The following TTC23 variants were observed in gnomAD, a reference collection of about 807,000 sequenced individuals.
TTC23 encodes the protein tetratricopeptide repeat domain 23, also known as tetratricopeptide repeat protein 23.
TTC23 carries 58 observed loss-of-function variants against 55.1 expected under a neutral mutation model. The ratio of observed to expected loss-of-function variants is 1.05; its 90% CI spans 0.85 to 1.31. The LOEUF (loss-of-function observed/expected upper bound fraction) is 1.31. TTC23 is among the 50% of genes most tolerant of loss of function. The pLI, the probability that TTC23 is intolerant of heterozygous loss-of-function variation, is 0.00. For missense variants in TTC23, 516 were observed against 534.4 expected (o/e 0.97, Z 0.34); for synonymous variants, 203 against 199.9 (o/e 1.02, Z -0.13).
chr15:99,178,436 C>T (rs1457388608), intron 9 of TTC23, among the ~76,000 whole-genome samples: 1 of 152,162 alleles, frequency 6.6e-6, no homozygotes, highest in Non-Finnish European at 1.5e-5. Flanking sequence ...ATTAGCATCT[C>T]ATTTATTCAG....
At chr15:99,181,134 G>C (rs1010559256) in intron 9 of TTC23, among the ~76,000 whole-genome samples, 5 of 152,266 alleles carry the variant, frequency 3.3e-5, no homozygotes, top group Non-Finnish European at 7.3e-5. Flanking sequence ...TGCGTCAGCA[G>C]CAGAACAGAG....
At chr15:99,171,590 G>C (rs1276069002) in intron 10 of TTC23, among the ~76,000 whole-genome samples, 1 of 125,634 alleles carries the variant, frequency 8.0e-6, no homozygotes, top group East Asian at 2.6e-4. Context: ...TTGAGACTGA[G>C]TCTCGCTCTG....
chr15:99,221,846 C>G lies in TTC23; in HGVS notation c.199G>C (p.Glu67Gln). The G allele has an allele frequency of 3.7e-6, 6 of 1,614,190 alleles. No individual in the cohort carries two copies. Among genetic ancestry groups the G allele is most frequent in the Non-Finnish European group, 5.1e-6 (6 of 1,180,024 alleles). Residue 67 changes from glutamate (E) to glutamine (Q), a missense_variant, in exon 6 of 14, where the codon GAG becomes CAG. By Grantham distance (29) the Glu-to-Gln change is conservative. Coordinates refer to ENST00000394132, the MANE Select transcript of TTC23 (RefSeq NM_001288615.3). ...NSHEYKQAVH[E>Q]LVRCVALTRI... is the part of the protein sequence containing the mutation. ...GTCAGTGCTACGCAACGCACAAGCT[C>G]ATGGACGGCCTGTTTGTACTGTTAG...
intron 6 of TTC23, among the ~76,000 whole-genome samples, chr15:99,220,448 T>C (rs190195837): frequency 1.3e-5 from 2 of 152,314 alleles, no homozygotes; most frequent in Non-Finnish European, 2.9e-5. Flanking sequence ...ATTGAAAACC[T>C]AGGTCTGAGT....
Position 99,156,230 on chromosome 15 carries a change from T to A in TTC23, c.1061A>T (p.Glu354Val). 6.2e-7 allele frequency: 1 copy of A among 1,614,230 alleles called. No individual in the cohort carries two copies. Among genetic ancestry groups the A allele is most frequent in the Non-Finnish European group, 8.5e-7 (1 of 1,180,040 alleles). Residue 354 changes from glutamate to valine, a missense_variant, in exon 12 of 14, where the codon GAG (glutamate) becomes GTG (valine). By Grantham distance (121) the Glu-to-Val change is moderately radical. Coordinates refer to ENST00000394132, the MANE Select transcript of TTC23 (RefSeq NM_001288615.3). Reference sequence around the variant, plus strand: ...CAGGAGCCGGTATGTCTCTGCCACCTCGGGACTGAAATCGCCAAATGCTTC... The same window carrying A: ...CAGGAGCCGGTATGTCTCTGCCACCACGGGACTGAAATCGCCAAATGCTTC... ...KVEAFGDFSP[E>V]VAETYRLLGG...
intron 9 of TTC23, among the ~76,000 whole-genome samples, chr15:99,196,998 A>G (rs1267420651): frequency 6.6e-6 from 1 of 152,076 alleles, no homozygotes; most frequent in Non-Finnish European, 1.5e-5. Context: ...CCTCTTGCCT[A>G]GGCTTGTCTT....
Position 99,199,975 on chromosome 15 carries a change from C to T in TTC23, c.703G>A (p.Ala235Thr), listed in dbSNP as rs973368020. ...RECVPILRELAGVEQALGLHD... is the reference protein window; with the variant it reads ...RECVPILRELTGVEQALGLHD... ...AGTCCCAGGGCTTGCTCTACACCTG[C>T]TAATTCTCTCAATATGGGTACACAC... Residue 235 changes from alanine (A) to threonine (T), a missense_variant, in exon 9 of 14, where the codon GCA becomes ACA. Physicochemically the swap from Ala to Thr is moderately conservative, Grantham distance 58 (BLOSUM62 0). Transcript: ENST00000394132. The T allele has an allele frequency of 7.4e-6, 12 of 1,613,870 alleles. No homozygotes were observed. Among genetic ancestry groups the T allele is most frequent in the Middle Eastern group, 1.6e-4 (1 of 6,084 alleles).
At chr15:99,231,407 C>T (rs1416518213) in intron 4 of TTC23, among the ~76,000 whole-genome samples, 1 of 152,218 alleles carries the variant, frequency 6.6e-6, no homozygotes, top group Non-Finnish European at 1.5e-5. Context: ...TGAAGACCCT[C>T]CAGTGGGACA....
chr15:99,175,867 C>T (rs910160559), intron 9 of TTC23, among the ~76,000 whole-genome samples: 7 of 152,090 alleles, frequency 4.6e-5, no homozygotes, highest in South Asian at 2.1e-4. Flanking sequence ...TGGTGGTGCA[C>T]GCCTATAGTC....
intron 10 of TTC23, among the ~76,000 whole-genome samples, chr15:99,165,149 A>C (rs1191251285): frequency 6.6e-6 from 1 of 152,212 alleles, no homozygotes; most frequent in Non-Finnish European, 1.5e-5. Context: ...TCCCCATACT[A>C]GGCTGAAATA....
At chr15:99,236,933 T>G (rs2079370048) in intron 3 of TTC23, among the ~76,000 whole-genome samples, 1 of 152,160 alleles carries the variant, frequency 6.6e-6, no homozygotes, top group African/African-American at 2.4e-5. Context: ...GACAGTTTCT[T>G]ACTAAGTTAA....
At chr15:99,180,862 ACT>A (rs2074046594) in intron 9 of TTC23, among the ~76,000 whole-genome samples, 1 of 152,198 alleles carries the variant, frequency 6.6e-6, no homozygotes, top group South Asian at 2.1e-4. Context: ...AGATGAGAAC[ACT>A]CAGCGAGGAG....
rs1406959706 is a variant in TTC23 at position 99,136,619 on chromosome 15, A to G, written c.*1391T>C. 6.6e-6 allele frequency: 1 copy of G among 152,050 alleles called. No homozygotes were observed. Among genetic ancestry groups the G allele is most frequent in the African/African-American group, 2.4e-5 (1 of 41,378 alleles). 9.4% of individuals were successfully genotyped at this position (152,050 alleles called of 1,614,324 possible). A position where few individuals can be genotyped will look rare whatever the true frequency, so the allele number is the denominator to read the frequency against. ...CATCAGGGCTCCACCCTCATAACCTAATCACCTCTCCAAGACCCCACCCCC... is the reference window on the plus strand; with the variant it reads ...CATCAGGGCTCCACCCTCATAACCTGATCACCTCTCCAAGACCCCACCCCC... On this transcript the variant is annotated 3_prime_UTR_variant, in exon 14 of 14. Coordinates refer to ENST00000394132, the MANE Select transcript of TTC23 (RefSeq NM_001288615.3).
chr15:99,221,718 C>T (rs747242962), intron 6 of TTC23, 23 bp downstream of exon 6: 2 of 1,613,590 alleles, frequency 1.2e-6, no homozygotes, highest in Admixed American at 3.3e-5. Context: ...CAACTGATCC[C>T]CCTCAGTCTA....
chr15:99,240,825 C>G (rs1360266033), intron 3 of TTC23, among the ~76,000 whole-genome samples: 1 of 152,160 alleles, frequency 6.6e-6, no homozygotes, highest in African/African-American at 2.4e-5. Flanking sequence ...TTTTTATACA[C>G]CATTTGACTT....
At chr15:99,220,471 A>G (rs1426673557) in intron 6 of TTC23, among the ~76,000 whole-genome samples, 1 of 152,192 alleles carries the variant, frequency 6.6e-6, no homozygotes, top group Admixed American at 6.5e-5. Context: ...CAGATCAGCT[A>G]CTTATTAACA....
intron 8 of TTC23, among the ~76,000 whole-genome samples, chr15:99,202,797 C>T (rs2076305733): frequency 6.6e-6 from 1 of 152,130 alleles, no homozygotes; most frequent in Admixed American, 6.6e-5. Context: ...CAGTAGAAAA[C>T]CCAAACTGTA....
chr15:99,184,540 T>C (rs950626825), intron 9 of TTC23, among the ~76,000 whole-genome samples: 4 of 152,158 alleles, frequency 2.6e-5, no homozygotes, highest in African/African-American at 7.2e-5. Context: ...TTGCATGGGG[T>C]CTGTAGCCCC....
intron 5 of TTC23, among the ~76,000 whole-genome samples, 183 bp from the exon 6 acceptor site, chr15:99,222,047 G>C (rs1408118026): frequency 6.6e-6 from 1 of 152,162 alleles, no homozygotes; most frequent in East Asian, 1.9e-4. Flanking sequence ...GTGGTAGCAT[G>C]TACATCTGGT....
Sources: allele counts gnomAD v4.1 joint callset (sites outside exome capture counted in the v4.1 genomes callset), GRCh38; gene constraint gnomAD v4.1.1; transcripts MANE v1.5; gene names NCBI Gene and HGNC (gene_info 2026-07-23, HGNC 2026-07-21).